TSPAN3: variants seen among roughly 807,000 people sequenced by gnomAD.
TSPAN3 encodes the protein tetraspanin-3.
Under a neutral mutation model 31.1 loss-of-function variants are expected in TSPAN3, and 9 were observed. The observed-to-expected ratio is 0.29, with a 90% CI of 0.17 to 0.50. TSPAN3 has a LOEUF of 0.50. TSPAN3 is among the 20% of genes least tolerant of loss of function. The pLI is 0.98. For missense variants in TSPAN3, 252 were observed against 313.5 expected, an observed-to-expected ratio of 0.80 and a Z score of 1.48; for synonymous variants, 129 against 114.3, an observed-to-expected ratio of 1.13 and a Z score of -0.82.
chr15:77,060,727 C>CAGAAA (rs1026589523), intron 1 of TSPAN3, among the ~76,000 whole-genome samples: 59 of 151,986 alleles, frequency 3.9e-4, no homozygotes, highest in African/African-American at 1.3e-3. Flanking sequence ...GGAGGTGCAA[C>CAGAAA]AGAAAAGGAG....
In TSPAN3 at chr15:77,049,531, C is replaced by T. The variant is rs187116428; in HGVS notation, c.670-2604G>A. Among the ~76,000 whole-genome samples the T allele has an allele frequency of 1.1e-3, 160 of 152,230 alleles. 1 individual carries two copies. Among genetic ancestry groups the T allele is most frequent in the African/African-American group, 3.8e-3 (156 of 41,538 alleles). On this transcript the variant is annotated intron_variant, in intron 6 of 6. Coordinates refer to ENST00000267970, the MANE Select transcript of TSPAN3 (RefSeq NM_005724.6). ...GACCAGATTCTTTAAATATAAAATT[C>T]ATAATTGATCATGAGTTAAGAGAGT...
chr15:77,069,606 G>A (rs903200439), intron 1 of TSPAN3, among the ~76,000 whole-genome samples: 28 of 152,204 alleles, frequency 1.8e-4, no homozygotes, highest in Admixed American at 1.8e-3. Context: ...CAAACGCCCC[G>A]AAGGACTCTG....
At chr15:77,064,549 TAG>T (rs997724379) in intron 1 of TSPAN3, 10 of 152,162 alleles carry the variant, frequency 6.6e-5, no homozygotes. Flanking sequence ...AAACTGCAAC[TAG>T]AGAGAGCGCC....
At chr15:77,070,479 C>G (rs1032026488) in intron 1 of TSPAN3, among the ~76,000 whole-genome samples, 3 of 152,032 alleles carry the variant, frequency 2.0e-5, no homozygotes, top group Non-Finnish European at 4.4e-5. Flanking sequence ...TCTGCGAGGC[C>G]CCGACAAAGA....
chr15:77,070,538 C>T (rs1482682996), intron 1 of TSPAN3, among the ~76,000 whole-genome samples: 1 of 152,070 alleles, frequency 6.6e-6, no homozygotes, highest in East Asian at 1.9e-4. Flanking sequence ...GCCCGACGTC[C>T]TGCTACAGTC....
chr15:77,053,903 G>A (rs1401589487), intron 4 of TSPAN3, among the ~76,000 whole-genome samples: 2 of 151,910 alleles, frequency 1.3e-5, no homozygotes, highest in Non-Finnish European at 2.9e-5. Context: ...CCTCTCTCTT[G>A]CGTCATCACC....
intron 1 of TSPAN3, among the ~76,000 whole-genome samples, chr15:77,059,226 G>A (rs554252739): frequency 1.3e-4 from 20 of 151,872 alleles, no homozygotes; most frequent in African/African-American, 4.1e-4. Context: ...GGGATTACAG[G>A]CGCCCGCCAC....
At chr15:77,050,307 T>C (rs2152695246) in intron 6 of TSPAN3, among the ~76,000 whole-genome samples, 1 of 152,144 alleles carries the variant, frequency 6.6e-6, no homozygotes, top group East Asian at 1.9e-4. Flanking sequence ...TCAAAACCAC[T>C]AGGTTTTGAG....
chr15:77,046,215 ACTC>A lies in TSPAN3; in HGVS notation c.*617_*619del, dbSNP rs1180948381. ...TTTAAAACAGTAGTGCATACATTAT[ACTC>A]CTCCTATAAAGCCAACTTTGATTAA... On this transcript the variant is annotated 3_prime_UTR_variant, in exon 7 of 7. Coordinates refer to ENST00000267970, the MANE Select transcript of TSPAN3 (RefSeq NM_005724.6). 3 of 393,832 alleles carry A rather than the reference ACTC, an allele frequency of 7.6e-6. No homozygotes were observed. Among genetic ancestry groups the A allele is most frequent in the Non-Finnish European group, 8.9e-6 (2 of 223,576 alleles). 24.4% of individuals were successfully genotyped at this position (393,832 alleles called of 1,614,324 possible).
chr15:77,058,892 T>C (rs530051305), intron 1 of TSPAN3, among the ~76,000 whole-genome samples: 28 of 152,310 alleles, frequency 1.8e-4, no homozygotes, highest in African/African-American at 6.7e-4. Flanking sequence ...GGCCATTACA[T>C]CTGGAATATG....
chr15:77,066,571 CAAAAAAAAAAAAAAA>C lies in TSPAN3; in HGVS notation c.63+4306_63+4320del, dbSNP rs35737479. Among the ~76,000 whole-genome samples the C allele has an allele frequency of 8.4e-5, 5 of 59,374 alleles. No individual in the cohort carries two copies. In the Admixed American group the frequency reaches 8.8e-4, roughly 10 times the overall value. The allele number at this position is 59,374 out of a possible 152,430, so 39.0% of individuals were successfully genotyped here. A position where few individuals can be genotyped will look rare whatever the true frequency, so the allele number is the denominator to read the frequency against. ...TGGGCGACAGAGTAAGACTTCGTCT[CAAAAAAAAAAAAAAA>C]AAAAAAAAAAAAAAGCCTTTAAAAT... On this transcript the variant is annotated intron_variant, in intron 1 of 6. Coordinates refer to ENST00000267970, the MANE Select transcript of TSPAN3 (RefSeq NM_005724.6).
At position 77,045,077 on chromosome 15, in the gene TSPAN3, T is replaced by C. The variant is rs1460761078; in HGVS notation, c.*1758A>G. ...CAGGTGGGACAGATCTGCATGATATTTGGGCATCTCAAAACTGACGAGCCC... is the reference window on the plus strand; with the variant it reads ...CAGGTGGGACAGATCTGCATGATATCTGGGCATCTCAAAACTGACGAGCCC... On this transcript the variant is annotated 3_prime_UTR_variant, in exon 7 of 7. Coordinates refer to ENST00000267970, the MANE Select transcript of TSPAN3 (RefSeq NM_005724.6). 1 of 152,162 alleles carries C rather than the reference T, an allele frequency of 6.6e-6. No homozygotes were observed. The highest frequency in any genetic ancestry group is 6.5e-5 in the Admixed American group (1 of 15,276). The allele number at this position is 152,162 out of a possible 1,614,324, so 9.4% of individuals were successfully genotyped here.
intron 6 of TSPAN3, among the ~76,000 whole-genome samples, chr15:77,049,981 T>C (rs1455656523): frequency 6.6e-6 from 1 of 152,188 alleles, no homozygotes; most frequent in Non-Finnish European, 1.5e-5. Flanking sequence ...GAGTTGACAC[T>C]CTGTGTGATG....
At chr15:77,053,047 T>C (rs2076742085) in intron 4 of TSPAN3, 118 bp from the exon 5 acceptor site, 1 of 1,009,442 alleles carries the variant, frequency 9.9e-7, no homozygotes, top group Admixed American at 2.7e-5. Context: ...CAACTTTCTA[T>C]AATGGAAAGT....
At position 77,070,848 on chromosome 15, in the gene TSPAN3, CCCGGCCCCGCCG is replaced by C. The variant is rs761015074; in HGVS notation, c.63+32_63+43del. ...CACGGGCGCCTCCGCCGCGGCCTCG[CCCGGCCCCGCCG>C]CCGGCCCCTCGCTCTGCCCGGCCCC... is the stretch of plus-strand genomic sequence containing the variant. On this transcript the variant is annotated intron_variant, in intron 1 of 6. Coordinates refer to ENST00000267970, the MANE Select transcript of TSPAN3 (RefSeq NM_005724.6). 1.7e-5 allele frequency: 21 copies of C among 1,215,256 alleles called. No homozygotes were observed. The African/African-American group carries it at 2.1e-4, about 12-fold the overall frequency. The allele number at this position is 1,215,256 out of a possible 1,614,324, so 75.3% of individuals were successfully genotyped here. A position where few individuals can be genotyped will look rare whatever the true frequency, so the allele number is the denominator to read the frequency against.
In TSPAN3 at chr15:77,056,240, A is replaced by T; in HGVS notation, c.79T>A (p.Leu27Ile). 6.2e-7 allele frequency: 1 copy of T among 1,601,820 alleles called. No individual in the cohort carries two copies. Among genetic ancestry groups the T allele is most frequent in the Non-Finnish European group, 8.5e-7 (1 of 1,176,256 alleles). Reference sequence around the variant, plus strand: ...AAGACATAGGCTCCCACATAGCATAAAATGCCAGCTGCCCCCTGTAGAAAA... The same window carrying T: ...AAGACATAGGCTCCCACATAGCATATAATGCCAGCTGCCCCCTGTAGAAAA... ...NLIFWGAAGI[L>I]CYVGAYVFIT... Residue 27 changes from leucine to isoleucine, a missense_variant, in exon 2 of 7, where the codon TTA (leucine) becomes ATA (isoleucine). Physicochemically the swap from Leu to Ile is conservative, Grantham distance 5 (BLOSUM62 2). Coordinates refer to ENST00000267970, the MANE Select transcript of TSPAN3 (RefSeq NM_005724.6).
chr15:77,047,517 G>A (rs1430102055), intron 6 of TSPAN3, among the ~76,000 whole-genome samples: 1 of 152,132 alleles, frequency 6.6e-6, no homozygotes, highest in Non-Finnish European at 1.5e-5. Context: ...AAAAAATGTA[G>A]TTGGAAGGTT....
chr15:77,061,617 A>G (rs570819485), intron 1 of TSPAN3, among the ~76,000 whole-genome samples: 9 of 152,344 alleles, frequency 5.9e-5, no homozygotes, highest in African/African-American at 1.4e-4. Context: ...GGAATGTGGC[A>G]ATATTAAAAA....
At chr15:77,067,954 T>C (rs906042921) in intron 1 of TSPAN3, 3 of 152,158 alleles carry the variant, frequency 2.0e-5, no homozygotes, top group African/African-American at 7.2e-5. Flanking sequence ...ACACCTTGGG[T>C]GTGCTACTTT....
Sources: allele counts gnomAD v4.1 joint callset (sites outside exome capture counted in the v4.1 genomes callset), GRCh38; gene constraint gnomAD v4.1.1; transcripts MANE v1.5; gene names NCBI Gene and HGNC (gene_info 2026-07-23, HGNC 2026-07-21).